The following XKR9 variants were observed in gnomAD, a reference collection of about 807,000 sequenced individuals.
XKR9 encodes XK-related protein 9.
Under a neutral mutation model 32.0 loss-of-function variants are expected in XKR9, and 32 were observed. The observed-to-expected ratio is 1.00, with a 90% CI of 0.76 to 1.34. The LOEUF (loss-of-function observed/expected upper bound fraction) is 1.34. XKR9 is among the 40% of genes most tolerant of loss of function. The pLI, the probability that XKR9 is intolerant of heterozygous loss-of-function variation, is 0.00. For synonymous variants in XKR9, 168 were observed against 143.4 expected (o/e 1.17, Z -1.22); for missense variants, 546 against 429.7 (o/e 1.27, Z -2.39).
At chr8:70,960,869 C>T in the XKR9 span, among the ~76,000 whole-genome samples, 2 of 127,392 alleles carry the variant, frequency 1.6e-5, no homozygotes, top group Admixed American at 7.8e-5. Context: ...GAGACCCTGT[C>T]TTAAGAAAAA....
the XKR9 span, among the ~76,000 whole-genome samples, chr8:70,856,822 C>T: frequency 1.3e-5 from 2 of 152,170 alleles, no homozygotes; most frequent in Admixed American, 1.3e-4. Flanking sequence ...AAGAAACTCA[C>T]TCAAAGCCGC....
At chr8:70,773,974 A>G (rs1299486207) in intron 2 of XKR9, among the ~76,000 whole-genome samples, 1 of 145,270 alleles carries the variant, frequency 6.9e-6, no homozygotes, top group Non-Finnish European at 1.6e-5. Flanking sequence ...ATCTGTTGGC[A>G]TCATTTTTTA....
At chr8:70,852,525 TC>T in the XKR9 span, among the ~76,000 whole-genome samples, 1 of 151,570 alleles carries the variant, frequency 6.6e-6, no homozygotes, top group East Asian at 1.9e-4. Context: ...TATAAATCAT[TC>T]TACTATAAAT....
chr8:70,691,677 T>C (rs572888791), intron 3 of XKR9, among the ~76,000 whole-genome samples: 3 of 152,280 alleles, frequency 2.0e-5, no homozygotes, highest in South Asian at 2.1e-4. Flanking sequence ...GGATTTTTTT[T>C]CCCCATTGCT....
chr8:70,832,693 C>A, the XKR9 span, among the ~76,000 whole-genome samples: 2 of 152,110 alleles, frequency 1.3e-5, no homozygotes, highest in African/African-American at 2.4e-5. Flanking sequence ...CAAAACAACC[C>A]TGCCAGTAAG....
intron 4 of XKR9, among the ~76,000 whole-genome samples, chr8:70,712,169 T>C (rs561574942): frequency 2.6e-5 from 4 of 152,174 alleles, no homozygotes; most frequent in African/African-American, 9.6e-5. Flanking sequence ...ATTAGAAATA[T>C]CAATAAATGT....
At chr8:70,949,582 ATC>A in the XKR9 span, among the ~76,000 whole-genome samples, 1 of 152,144 alleles carries the variant, frequency 6.6e-6, no homozygotes, top group African/African-American at 2.4e-5. Flanking sequence ...CAAAAAGTGT[ATC>A]TGTGTGTGTA....
At chr8:70,786,451 A>T (rs1807689504) in intron 2 of XKR9, among the ~76,000 whole-genome samples, 1 of 152,046 alleles carries the variant, frequency 6.6e-6, no homozygotes, top group South Asian at 2.1e-4. Flanking sequence ...ATATATTTAG[A>T]TGCTCTGATG....
chr8:70,783,303 T>G (rs1807641413), intron 2 of XKR9, among the ~76,000 whole-genome samples: 1 of 151,970 alleles, frequency 6.6e-6, no homozygotes, highest in African/African-American at 2.4e-5. Context: ...CTTGGCTCAC[T>G]GCAAGCTCTG....
chr8:71,046,721 G>A, the XKR9 span, among the ~76,000 whole-genome samples: 3 of 152,228 alleles, frequency 2.0e-5, no homozygotes, highest in African/African-American at 7.2e-5. Flanking sequence ...AACCTTAAGA[G>A]ATCGACTCCT....
intron 2 of XKR9, among the ~76,000 whole-genome samples, chr8:70,745,129 C>A (rs1443101775): frequency 7.3e-6 from 1 of 136,282 alleles, no homozygotes; most frequent in Non-Finnish European, 1.7e-5. Flanking sequence ...TCATTCCATC[C>A]AACAAACATT....
intron 2 of XKR9, among the ~76,000 whole-genome samples, chr8:70,755,106 A>G (rs1807200752): frequency 6.6e-6 from 1 of 152,262 alleles, no homozygotes; most frequent in Admixed American, 6.5e-5. Context: ...AAGGATATGA[A>G]CAGACACTTC....
At chr8:70,999,582 G>C in the XKR9 span, among the ~76,000 whole-genome samples, 2 of 152,106 alleles carry the variant, frequency 1.3e-5, no homozygotes, top group African/African-American at 4.8e-5. Flanking sequence ...TCTGTTCATG[G>C]TGGAAAAAAA....
the XKR9 span, among the ~76,000 whole-genome samples, chr8:70,884,893 C>T: frequency 1.3e-5 from 2 of 152,020 alleles, no homozygotes; most frequent in East Asian, 1.9e-4. Flanking sequence ...ATTTACAATC[C>T]GTTTGTTGAT....
the XKR9 span, among the ~76,000 whole-genome samples, chr8:70,815,356 T>C: frequency 6.6e-6 from 1 of 152,084 alleles, no homozygotes; most frequent in African/African-American, 2.4e-5. Flanking sequence ...CTGTGTGTGT[T>C]ATTCCCCTCT....
the XKR9 span, among the ~76,000 whole-genome samples, chr8:70,950,370 T>C: frequency 6.6e-6 from 1 of 152,120 alleles, no homozygotes; most frequent in East Asian, 1.9e-4. Flanking sequence ...AGGAAGTAAC[T>C]CTTGAGCTGA....
the XKR9 span, among the ~76,000 whole-genome samples, chr8:70,888,859 T>G: frequency 2.0e-5 from 3 of 152,144 alleles, no homozygotes; most frequent in African/African-American, 7.2e-5. Flanking sequence ...TACAATAGAT[T>G]TGTAGCATAT....
intron 2 of XKR9, among the ~76,000 whole-genome samples, chr8:70,777,266 T>C (rs1807538635): frequency 6.6e-6 from 1 of 152,054 alleles, no homozygotes; most frequent in South Asian, 2.1e-4. Context: ...TTCATCCATG[T>C]CCCTGCAAAA....
chr8:70,740,489 A>C (rs1806951833), downstream of XKR9, among the ~76,000 whole-genome samples: 1 of 152,126 alleles, frequency 6.6e-6, no homozygotes, highest in South Asian at 2.1e-4. Flanking sequence ...TTCTCTGTCC[A>C]GCTTTGTTCT....
Sources: allele counts gnomAD v4.1 joint callset (sites outside exome capture counted in the v4.1 genomes callset), GRCh38; gene constraint gnomAD v4.1.1; transcripts MANE v1.5; gene names NCBI Gene and HGNC (gene_info 2026-07-23, HGNC 2026-07-21).